FASLG: variants seen among roughly 807,000 people sequenced by gnomAD.
FASLG encodes tumor necrosis factor ligand superfamily member 6.
Under a neutral mutation model 24.6 loss-of-function variants are expected in FASLG, and 9 were observed. That is an observed-to-expected ratio of 0.37 (90% confidence interval 0.22 to 0.64). The LOEUF (loss-of-function observed/expected upper bound fraction) is 0.64, where lower values mean the gene tolerates loss of function less well. Among genes scored for constraint, FASLG ranks in the 30% least tolerant of loss-of-function variants. The probability of loss-of-function intolerance (pLI) is 0.64; values close to 1 mark genes in which losing one functional copy is unlikely to be tolerated. For missense variants in FASLG, 306 were observed against 345.3 expected (o/e 0.89, Z 0.90); for synonymous variants, 130 against 135.5 (o/e 0.96, Z 0.28).
At chr1:172,663,611 C>T (rs16844869) in intron 2 of FASLG, among the ~76,000 whole-genome samples, 5,882 of 152,060 alleles carry the variant, frequency 0.039, 364 homozygotes, top group African/African-American at 0.13. Flanking sequence ...TGTGGCAATG[C>T]TCAGTGGGAG....
At chr1:172,664,974 T>G (rs1455904545) in intron 3 of FASLG, among the ~76,000 whole-genome samples, 1 of 152,236 alleles carries the variant, frequency 6.6e-6, no homozygotes, top group Non-Finnish European at 1.5e-5. Context: ...AATTATAGAA[T>G]GATCCGGTCA....
chr1:172,665,095 G>A (rs1295243049), intron 3 of FASLG, among the ~76,000 whole-genome samples: 1 of 152,176 alleles, frequency 6.6e-6, no homozygotes, highest in Non-Finnish European at 1.5e-5. Context: ...GGAAAGACAG[G>A]CACTTATGAT....
chr1:172,659,124 G>A lies in FASLG; in HGVS notation c.-78G>A, dbSNP rs937434432. The A allele has an allele frequency of 7.9e-5, 126 of 1,601,968 alleles. 2 individuals are homozygous for A. In the African/African-American group the frequency reaches 1.1e-3, roughly 14 times the overall value. On this transcript the variant is annotated 5_prime_UTR_variant, in exon 1 of 4. Coordinates refer to ENST00000367721, the MANE Select transcript of FASLG (RefSeq NM_000639.3). ...CTTGAGCAGTCAGCAACAGGGTCCC[G>A]TCCTTGACACCTCAGCCTCTACAGG...
Position 172,664,320 on chromosome 1 carries a change from T to C in FASLG, c.395-14T>C, listed in dbSNP as rs750816051. The C allele has an allele frequency of 9.9e-6, 16 of 1,613,250 alleles. No homozygotes were observed. In the African/African-American group the frequency reaches 2.1e-4, roughly 22 times the overall value. On this transcript the variant is annotated splice_polypyrimidine_tract_variant and intron_variant, in intron 2 of 3. Coordinates refer to ENST00000367721, the MANE Select transcript of FASLG (RefSeq NM_000639.3). The stretch of plus-strand genomic sequence containing the variant: ...TTCATTTTAACATATATTTTTCCTC[T>C]CTCTATGATACAGGCCACCCCAGTC...
At chr1:172,663,477 T>G (rs755551779) in intron 2 of FASLG, among the ~76,000 whole-genome samples, 8 of 152,126 alleles carry the variant, frequency 5.3e-5, no homozygotes, top group Admixed American at 2.0e-4. Context: ...GTAGTCCTTA[T>G]GGGATGTTTA....
intron 2 of FASLG, among the ~76,000 whole-genome samples, chr1:172,661,754 A>G (rs1006294865): frequency 3.3e-5 from 5 of 152,212 alleles, no homozygotes; most frequent in African/African-American, 1.2e-4. Context: ...ATTTTCATCA[A>G]ATTAATAAAG....
Position 172,664,393 on chromosome 1 carries a change from C to G in FASLG, c.451+3C>G. ...GAGGAAAGTGGCCCATTTAACAGGT[C>G]TGTATCTGGAAGGTACAGGTGAGAT... is the stretch of plus-strand genomic sequence containing the variant. On this transcript the variant is annotated splice_donor_region_variant and intron_variant, in intron 3 of 3. Coordinates refer to ENST00000367721, the MANE Select transcript of FASLG (RefSeq NM_000639.3). The G allele has an allele frequency of 6.2e-7, 1 of 1,614,024 alleles. No individual in the cohort carries two copies. The highest frequency in any genetic ancestry group is 1.1e-5 in the South Asian group (1 of 91,070).
chr1:172,659,272 C>T lies in FASLG; in HGVS notation c.71C>T (p.Ala24Val). 6.2e-7 allele frequency: 1 copy of T among 1,614,144 alleles called. No individual in the cohort carries two copies. Among genetic ancestry groups the T allele is most frequent in the Non-Finnish European group, 8.5e-7 (1 of 1,180,006 alleles). Residue 24 changes from alanine to valine, a missense_variant, in exon 1 of 4, where the codon GCC becomes GTC. Physicochemically the swap from Ala to Val is moderately conservative, Grantham distance 64. Transcript: ENST00000367721. ...WVDSSASSPW[A>V]PPGTVLPCPT... ...GACAGCAGTGCCAGCTCTCCCTGGG[C>T]CCCTCCAGGCACAGTTCTTCCCTGT... is the stretch of plus-strand genomic sequence containing the variant.
chr1:172,665,309 C>T (rs999924759), intron 3 of FASLG, among the ~76,000 whole-genome samples: 1 of 152,194 alleles, frequency 6.6e-6, no homozygotes, highest in Admixed American at 6.5e-5. Flanking sequence ...ACTTCAAAGC[C>T]TAGCAGATTT....
At chr1:172,664,680 T>G (rs1473090304) in intron 3 of FASLG, among the ~76,000 whole-genome samples, 1 of 152,114 alleles carries the variant, frequency 6.6e-6, no homozygotes, top group Non-Finnish European at 1.5e-5. Context: ...CTTGGGGGAT[T>G]GGGGGCACAG....
intron 2 of FASLG, among the ~76,000 whole-genome samples, chr1:172,661,178 T>C (rs1159666340): frequency 6.6e-6 from 1 of 152,072 alleles, no homozygotes; most frequent in South Asian, 2.1e-4. Flanking sequence ...GAATAAGAAA[T>C]AGATGAAAAG....
At chr1:172,664,309 T>C (rs1464025273) in intron 2 of FASLG, 25 bp from the exon 3 acceptor site, 7 of 1,610,822 alleles carry the variant, frequency 4.3e-6, no homozygotes, top group Non-Finnish European at 5.9e-6. Context: ...TTTTAACATA[T>C]ATTTTTCCTC....
Position 172,666,859 on chromosome 1 carries a change from A to G in FASLG, c.*843A>G, listed in dbSNP as rs918899869. 6.6e-6 allele frequency: 1 copy of G among 152,410 alleles called. No individual in the cohort carries two copies. Among genetic ancestry groups the G allele is most frequent in the South Asian group, 2.1e-4 (1 of 4,834 alleles). 9.4% of individuals were successfully genotyped at this position (152,410 alleles called of 1,614,324 possible). A position where few individuals can be genotyped will look rare whatever the true frequency, so the allele number is the denominator to read the frequency against. On this transcript the variant is annotated 3_prime_UTR_variant, in exon 4 of 4. Transcript: ENST00000367721. ...AATGAAAACATGTAATAAAAAGTAT[A>G]TGTTAGGATACAAATAATTTTTAGA... is the stretch of plus-strand genomic sequence containing the variant.
chr1:172,661,197 C>T (rs893142576), intron 2 of FASLG, among the ~76,000 whole-genome samples: 5 of 152,142 alleles, frequency 3.3e-5, no homozygotes, highest in Non-Finnish European at 5.9e-5. Flanking sequence ...AGCAGGATAC[C>T]TCTGCAAAGA....
Position 172,659,564 on chromosome 1 carries a change from A to G in FASLG, c.348+15A>G, listed in dbSNP as rs759610212. ...AACTCCGAGAGGTAAGCCTGCCGGC[A>G]GACTGCTGTGCCCTGGAGGCACCAG... On this transcript the variant is annotated intron_variant, in intron 1 of 3. Transcript: ENST00000367721. The G allele has an allele frequency of 6.2e-7, 1 of 1,612,674 alleles. No individual in the cohort carries two copies. Among genetic ancestry groups the G allele is most frequent in the Admixed American group, 1.7e-5 (1 of 59,966 alleles).
rs1659077970 is a variant in FASLG, at chr1:172,659,140, C to T, written c.-62C>T. On this transcript the variant is annotated 5_prime_UTR_variant, in exon 1 of 4. Transcript: ENST00000367721. ...CAGGGTCCCGTCCTTGACACCTCAG[C>T]CTCTACAGGACTGAGAAGAAGTAAA... 6.2e-7 allele frequency: 1 copy of T among 1,610,728 alleles called. No homozygotes were observed. The highest frequency in any genetic ancestry group is 8.5e-7 in the Non-Finnish European group (1 of 1,178,572).
chr1:172,661,782 A>G (rs1659148236), intron 2 of FASLG, among the ~76,000 whole-genome samples: 1 of 152,186 alleles, frequency 6.6e-6, no homozygotes, highest in Admixed American at 6.5e-5. Flanking sequence ...AAAAACCCAG[A>G]CTGACAAAGA....
intron 3 of FASLG, 84 bp from the exon 4 acceptor site, chr1:172,665,538 A>C: frequency 1.4e-4 from 201 of 1,392,912 alleles, no homozygotes; most frequent in Middle Eastern, 1.9e-4. Flanking sequence ...TGTTGAAGGA[A>C]GGGCCCACAG....
In FASLG at chr1:172,666,165, T is replaced by C. The variant is rs777951260; in HGVS notation, c.*149T>C. On this transcript the variant is annotated 3_prime_UTR_variant, in exon 4 of 4. Transcript: ENST00000367721. ...TTGAGACCACAGGGTTCAAAATGTC[T>C]GTAGCTCCTCAACTCACCTAATGTT... The C allele has an allele frequency of 3.7e-5, 31 of 842,626 alleles. No individual in the cohort carries two copies. The highest frequency in any genetic ancestry group is 3.5e-4 in the Middle Eastern group (1 of 2,840). 52.2% of individuals were successfully genotyped at this position (842,626 alleles called of 1,614,324 possible).
Sources: gnomAD v4.1 joint callset for allele counts (sites outside exome capture counted in the v4.1 genomes callset) on GRCh38, gnomAD v4.1.1 for gene constraint, MANE v1.5 for transcripts, NCBI Gene and HGNC (gene_info 2026-07-23, HGNC 2026-07-21) for gene names.